Variants in HNF1A observed in about 807,000 individuals in gnomAD.
HNF1A encodes hepatocyte nuclear factor 1-alpha.
Under a neutral mutation model 62.2 loss-of-function variants are expected in HNF1A, and 21 were observed. The observed-to-expected ratio is 0.34, with a 90% CI of 0.24 to 0.49. HNF1A has a LOEUF of 0.49. HNF1A is among the 20% of genes least tolerant of loss of function. HNF1A has a pLI of 0.99. For missense variants in HNF1A, 687 were observed against 832.3 expected (o/e 0.83, Z 2.15); for synonymous variants, 374 against 366.8 (o/e 1.02, Z -0.22).
intron 7 of HNF1A, 77 bp from the exon 8 acceptor site, chr12:120,999,191 T>A: frequency 1.3e-6 from 2 of 1,578,792 alleles, no homozygotes; most frequent in African/African-American, 1.3e-5. Context: ...CATGCCCCCC[T>A]TTCCCCAGTC....
chr12:120,994,475 G>C, intron 4 of HNF1A, 70 bp downstream of exon 4: 1 of 1,520,912 alleles, frequency 6.6e-7, no homozygotes, highest in African/African-American at 1.4e-5. Context: ...CCCAGTGACA[G>C]CAGTCACCTA....
intron 2 of HNF1A, among the ~76,000 whole-genome samples, chr12:120,992,382 T>C (rs990884536): frequency 6.6e-6 from 1 of 152,340 alleles, no homozygotes; most frequent in East Asian, 1.9e-4. Flanking sequence ...TTATACTTGA[T>C]AATGTAAACT....
chr12:120,995,348 C>A (rs1877047518), intron 4 of HNF1A, among the ~76,000 whole-genome samples: 1 of 151,326 alleles, frequency 6.6e-6, no homozygotes, highest in South Asian at 2.1e-4. Context: ...CTCCACTCCA[C>A]CCATTCCATC....
At position 120,993,514 on chromosome 12, in the gene HNF1A, C is replaced by T; in HGVS notation, c.527-6C>T. 1 of 1,613,860 alleles carries T rather than the reference C, an allele frequency of 6.2e-7. No individual in the cohort carries two copies. The highest frequency in any genetic ancestry group is 8.5e-7 in the Non-Finnish European group (1 of 1,179,966). On this transcript the variant is annotated splice_polypyrimidine_tract_variant and splice_region_variant and intron_variant, in intron 2 of 9. Coordinates refer to ENST00000257555, the MANE Select transcript of HNF1A (RefSeq NM_000545.8). ...GTACCCCACTCACGGCTTTCTGTGCCTGCAGAGTTCACCCATGCAGGGCAG... is the reference window on the plus strand; with the variant it reads ...GTACCCCACTCACGGCTTTCTGTGCTTGCAGAGTTCACCCATGCAGGGCAG...
chr12:121,002,048 CTCT>C lies in HNF1A; in HGVS notation c.*857_*859del. The stretch of plus-strand genomic sequence containing the variant: ...AGTCCAGGTCCTGGTGGGGCAGCTC[CTCT>C]GTCTCGAGCGCCCTGCAGACCCTGC... On this transcript the variant is annotated 3_prime_UTR_variant, in exon 10 of 10. Coordinates refer to ENST00000257555, the MANE Select transcript of HNF1A (RefSeq NM_000545.8). The C allele has an allele frequency of 1.9e-6, 1 of 536,954 alleles. No individual in the cohort carries two copies. The highest frequency in any genetic ancestry group is 3.6e-6 in the Non-Finnish European group (1 of 276,764). 33.3% of individuals were successfully genotyped at this position (536,954 alleles called of 1,614,324 possible). A position where few individuals can be genotyped will look rare whatever the true frequency, so the allele number is the denominator to read the frequency against.
chr12:120,989,592 G>A (rs765646776), intron 2 of HNF1A, among the ~76,000 whole-genome samples: 6 of 152,224 alleles, frequency 3.9e-5, no homozygotes, highest in Non-Finnish European at 7.3e-5. Context: ...CCATGGTTAA[G>A]TGGGAAAGTG....
rs1593054387 is a variant in HNF1A at position 120,988,989 on chromosome 12, C to T, written c.483C>T (p.Ala161=). The change falls in exon 2 of 10, where the codon GCC becomes GCT. Residue 161 remains alanine, a synonymous_variant. Transcript: ENST00000257555. ...GTPMKTQKRA[A]LYTWYVRKQR... is the part of the protein sequence containing the mutation. ...CCATGAAGACGCAGAAGCGGGCCGCCCTGTACACCTGGTACGTCCGCAAGC... is the reference window on the plus strand; with the variant it reads ...CCATGAAGACGCAGAAGCGGGCCGCTCTGTACACCTGGTACGTCCGCAAGC... 3.7e-6 allele frequency: 6 copies of T among 1,614,232 alleles called. 1 individual carries two copies. Among genetic ancestry groups the T allele is most frequent in the South Asian group, 2.2e-5 (2 of 91,090 alleles).
intron 2 of HNF1A, among the ~76,000 whole-genome samples, chr12:120,989,893 G>T (rs568736105): frequency 6.6e-6 from 1 of 152,152 alleles, no homozygotes; most frequent in South Asian, 2.1e-4. Flanking sequence ...CCATGGAGAC[G>T]CAGGGAAGGG....
Position 120,978,713 on chromosome 12 carries a change from G to C in HNF1A, c.-56G>C. The stretch of plus-strand genomic sequence containing the variant: ...GGCAGGCAAACGCAACCCACGCGGT[G>C]GGGGAGGCGGCTAGCGTGGTGGACC... On this transcript the variant is annotated 5_prime_UTR_variant, in exon 1 of 10. Transcript: ENST00000257555. 6.5e-7 allele frequency: 1 copy of C among 1,541,248 alleles called. No individual in the cohort carries two copies. The highest frequency in any genetic ancestry group is 9.0e-7 in the Non-Finnish European group (1 of 1,116,546).
intron 2 of HNF1A, 70 bp downstream of exon 2, chr12:120,989,102 G>T: frequency 1.4e-6 from 2 of 1,457,326 alleles, no homozygotes; most frequent in Admixed American, 1.8e-5. Flanking sequence ...ATAGGTGGGG[G>T]CTGGAAGCTT....
chr12:120,985,280 C>T (rs1876454962), intron 1 of HNF1A, among the ~76,000 whole-genome samples: 1 of 150,798 alleles, frequency 6.6e-6, no homozygotes, highest in African/African-American at 2.4e-5. Flanking sequence ...CAGAGTCTCA[C>T]TATGTTGTCC....
intron 1 of HNF1A, among the ~76,000 whole-genome samples, chr12:120,983,954 G>GTGTGTGTGT (rs1876382605): frequency 6.6e-6 from 1 of 151,854 alleles, no homozygotes; most frequent in Non-Finnish European, 1.5e-5. Context: ...GTGTGTTTGT[G>GTGTGTGTGT]TAAGAGACAC....
At chr12:120,993,370 T>C in intron 2 of HNF1A, 150 bp from the exon 3 acceptor site, 1 of 748,304 alleles carries the variant, frequency 1.3e-6, no homozygotes, top group Admixed American at 2.0e-5. Context: ...GTGTTTGTCA[T>C]CAGTAGATTA....
rs1877131742 is a variant in HNF1A at position 120,996,845 on chromosome 12, C to A, written c.1309+103C>A. 2 of 1,555,236 alleles carry A rather than the reference C, an allele frequency of 1.3e-6. No homozygotes were observed. Among genetic ancestry groups the A allele is most frequent in the East Asian group, 4.9e-5 (2 of 41,176 alleles). On this transcript the variant is annotated intron_variant, in intron 6 of 9. Coordinates refer to ENST00000257555, the MANE Select transcript of HNF1A (RefSeq NM_000545.8). This position sits in a 1 kb window ranked among gnomAD's most constrained non-coding sequence, Gnocchi z 4.5. ...ACTGGGACTCATTCATTCATTCATA[C>A]AACATGTATTTATCCAGTGCCTACT...
intron 2 of HNF1A, among the ~76,000 whole-genome samples, chr12:120,990,656 GA>G (rs1265631111): frequency 6.9e-6 from 1 of 145,600 alleles, no homozygotes; most frequent in Non-Finnish European, 1.5e-5. Flanking sequence ...GGAAAGGTAG[GA>G]AAGGGAGGAA....
At chr12:120,985,231 C>T (rs1055272277) in intron 1 of HNF1A, among the ~76,000 whole-genome samples, 8 of 151,350 alleles carry the variant, frequency 5.3e-5, no homozygotes, top group Non-Finnish European at 1.2e-4. Flanking sequence ...CAGGTGTGCA[C>T]CACCATGCCT....
intron 2 of HNF1A, among the ~76,000 whole-genome samples, chr12:120,989,786 T>C (rs1876720680): frequency 6.6e-6 from 1 of 152,190 alleles, no homozygotes; most frequent in African/African-American, 2.4e-5. Flanking sequence ...CTGTTCTTCC[T>C]CAGGAAGGCA....
chr12:120,988,770 G>T, intron 1 of HNF1A, 63 bp from the exon 2 acceptor site: 1 of 1,503,212 alleles, frequency 6.7e-7, no homozygotes, highest in Non-Finnish European at 9.2e-7. Context: ...ACCCAGGACC[G>T]CAGCCCCACC....
In HNF1A at chr12:121,002,457, G is replaced by T. The variant is rs1051565510; in HGVS notation, c.*1265G>T. ...CCCCCTGCAGCTTGTAGCCAGCCGG[G>T]GCGAGTGGCACGTTTATTTAACTTT... On this transcript the variant is annotated 3_prime_UTR_variant, in exon 10 of 10. Transcript: ENST00000257555. 13 of 529,100 alleles carry T rather than the reference G, an allele frequency of 2.5e-5. No homozygotes were observed. Among genetic ancestry groups the T allele is most frequent in the Non-Finnish European group, 4.4e-5 (12 of 272,188 alleles). 32.8% of individuals were successfully genotyped at this position (529,100 alleles called of 1,614,324 possible). A position where few individuals can be genotyped will look rare whatever the true frequency, so the allele number is the denominator to read the frequency against.
Sources: allele counts gnomAD v4.1 joint callset (sites outside exome capture counted in the v4.1 genomes callset), GRCh38; gene constraint gnomAD v4.1.1; non-coding constraint Gnocchi (gnomAD v3.1); transcripts MANE v1.5; gene names NCBI Gene and HGNC (gene_info 2026-07-23, HGNC 2026-07-21).